The following MICAL3 variants were observed in gnomAD, a reference collection of about 807,000 sequenced individuals.
The protein encoded by MICAL3 is microtubule associated monooxygenase, calponin and LIM domain containing 3, also known as [F-actin]-monooxygenase MICAL3.
MICAL3 carries 62 observed loss-of-function variants against 207.4 expected under a neutral mutation model. The observed-to-expected ratio is 0.30, with a 90% CI of 0.24 to 0.37. MICAL3 has a LOEUF of 0.37. Ranked by LOEUF, MICAL3 falls within the 10% of genes least tolerant of loss-of-function variation. MICAL3 has a pLI of 1.00. For missense variants in MICAL3, 2,368 were observed against 2,635.6 expected (o/e 0.90, Z 2.22); for synonymous variants, 1,077 against 1,069.3 (o/e 1.01, Z -0.14).
At chr22:17,963,300 CAG>C (rs1389620804) in intron 1 of MICAL3, among the ~76,000 whole-genome samples, 1 of 152,032 alleles carries the variant, frequency 6.6e-6, no homozygotes, top group Non-Finnish European at 1.5e-5. Flanking sequence ...TTTGTAGAGA[CAG>C]GGTTTCAACA....
At chr22:17,827,201 G>T (rs1053386894) in intron 22 of MICAL3, among the ~76,000 whole-genome samples, 9 of 151,398 alleles carry the variant, frequency 5.9e-5, no homozygotes, top group African/African-American at 1.9e-4. Context: ...TACTGTGGAG[G>T]CCTCCTGGAC....
At chr22:17,992,612 G>A (rs411576) in intron 1 of MICAL3, among the ~76,000 whole-genome samples, 35,308 of 151,904 alleles carry the variant, frequency 0.23, 4,695 homozygotes, top group East Asian at 0.51. Context: ...AATCCCCCCT[G>A]CTCCCTGGCT....
At chr22:17,913,549 T>C (rs1429614821) in intron 1 of MICAL3, among the ~76,000 whole-genome samples, 1 of 151,984 alleles carries the variant, frequency 6.6e-6, no homozygotes, top group Non-Finnish European at 1.5e-5. Context: ...GAGTGTGGCA[T>C]TTTTCTCATG....
At chr22:17,987,238 C>T (rs924751676) in intron 1 of MICAL3, among the ~76,000 whole-genome samples, 7 of 152,058 alleles carry the variant, frequency 4.6e-5, no homozygotes, top group African/African-American at 7.2e-5. Context: ...AAGACCCTAA[C>T]TCGAAAAAAG....
chr22:17,922,263 C>T (rs749988972), intron 1 of MICAL3, among the ~76,000 whole-genome samples: 5 of 152,056 alleles, frequency 3.3e-5, no homozygotes, highest in Admixed American at 6.5e-5. Context: ...CATGTTTGCA[C>T]GTAGTACAGA....
chr22:17,932,447 AG>A (rs1933313045), intron 1 of MICAL3, among the ~76,000 whole-genome samples: 1 of 152,244 alleles, frequency 6.6e-6, no homozygotes, highest in African/African-American at 2.4e-5. Flanking sequence ...TGTTACCACC[AG>A]GCCTGCCTTA....
intron 1 of MICAL3, among the ~76,000 whole-genome samples, chr22:17,959,801 A>G (rs1178969764): frequency 1.3e-5 from 2 of 152,030 alleles, no homozygotes; most frequent in African/African-American, 2.4e-5. Context: ...TCTGGGACAG[A>G]AAAATAAAGG....
At position 17,850,400 on chromosome 22, in the gene MICAL3, G is replaced by GTTTTTTTTTTTT. The variant is rs565667574; in HGVS notation, c.2606-8395_2606-8384dup. On this transcript the variant is annotated intron_variant, in intron 19 of 31. Coordinates refer to ENST00000441493, the MANE Select transcript of MICAL3 (RefSeq NM_015241.3). ...CTGTGGAACTTTTGCTTTTGAATTA[G>GTTTTTTTTTTTT]TTTTTTTTTTTTTTTTTTTTTTTTT... is the stretch of plus-strand genomic sequence containing the variant. Among the ~76,000 whole-genome samples the GTTTTTTTTTTTT allele has an allele frequency of 2.8e-4, 21 of 74,418 alleles. 2 individuals carry two copies. The highest frequency in any genetic ancestry group is 4.6e-4 in the Non-Finnish European group (18 of 38,954). 48.8% of individuals were successfully genotyped at this position (74,418 alleles called of 152,430 possible). A position where few individuals can be genotyped will look rare whatever the true frequency, so the allele number is the denominator to read the frequency against.
intron 16 of MICAL3, among the ~76,000 whole-genome samples, chr22:17,878,313 C>T (rs1476274407): frequency 1.3e-5 from 2 of 152,212 alleles, no homozygotes; most frequent in Non-Finnish European, 2.9e-5. Flanking sequence ...AGAGGCTGGG[C>T]ACACAGCGCC....
At chr22:17,936,478 G>T (rs1933533927) in intron 1 of MICAL3, among the ~76,000 whole-genome samples, 1 of 151,830 alleles carries the variant, frequency 6.6e-6, no homozygotes, top group Non-Finnish European at 1.5e-5. Flanking sequence ...TAATGTAAAT[G>T]ATGAGTTGAT....
At chr22:17,967,486 A>ACACACACACACACACACACACACC (rs147100307) in intron 1 of MICAL3, among the ~76,000 whole-genome samples, 1 of 145,592 alleles carries the variant, frequency 6.9e-6, no homozygotes, top group Admixed American at 6.9e-5. Flanking sequence ...ACACACACAC[A>ACACACACACACACACACACACACC]CACACACCCA....
At chr22:17,860,486 G>A (rs901474051) in intron 19 of MICAL3, 14 of 985,466 alleles carry the variant, frequency 1.4e-5, no homozygotes, top group Admixed American at 6.1e-5. Context: ...TGAATGGCTC[G>A]GGAGAAAAGT....
At chr22:17,917,463 C>A (rs768205503) in intron 1 of MICAL3, among the ~76,000 whole-genome samples, 6 of 152,194 alleles carry the variant, frequency 3.9e-5, no homozygotes, top group Non-Finnish European at 5.9e-5. Context: ...CCAAATCCAA[C>A]CACTTCTCAC....
At chr22:17,862,563 C>T (rs1926638739) in intron 19 of MICAL3, 3 of 985,234 alleles carry the variant, frequency 3.0e-6, no homozygotes, top group Non-Finnish European at 3.6e-6. Context: ...CCTGGCCACA[C>T]CTGAGCTTTT....
intron 22 of MICAL3, 27 bp downstream of exon 22, chr22:17,827,617 C>T (rs1922342402): frequency 2.6e-6 from 4 of 1,540,318 alleles, no homozygotes; most frequent in African/African-American, 1.4e-5. Context: ...TCGGGGCACA[C>T]TGCGGCCTGG....
intron 1 of MICAL3, among the ~76,000 whole-genome samples, chr22:17,929,246 G>GCAC (rs1933103334): frequency 6.9e-6 from 1 of 144,634 alleles, no homozygotes; most frequent in South Asian, 2.2e-4. Context: ...CTACAGATGT[G>GCAC]CACCACCACG....
At chr22:18,018,765 T>TACACACACACACACATACACAC (rs1387237083) in intron 1 of MICAL3, among the ~76,000 whole-genome samples, 1 of 127,730 alleles carries the variant, frequency 7.8e-6, no homozygotes, top group African/African-American at 3.1e-5. Flanking sequence ...TCTATCTATC[T>TACACACACACACACATACACAC]ATCTACACAC....
intron 1 of MICAL3, among the ~76,000 whole-genome samples, chr22:18,023,622 G>A (rs1924619276): frequency 6.6e-6 from 1 of 152,242 alleles, no homozygotes; most frequent in Non-Finnish European, 1.5e-5. Flanking sequence ...ATGCGGCCCC[G>A]CCCTCTGCTT....
intron 29 of MICAL3, among the ~76,000 whole-genome samples, chr22:17,804,150 AG>A: frequency 6.6e-6 from 1 of 152,322 alleles, no homozygotes; most frequent in Non-Finnish European, 1.5e-5. Flanking sequence ...CACGTACACC[AG>A]GGATCAGCCA....
Sources: gnomAD v4.1 joint callset for allele counts (sites outside exome capture counted in the v4.1 genomes callset) on GRCh38, gnomAD v4.1.1 for gene constraint, MANE v1.5 for transcripts, NCBI Gene and HGNC (gene_info 2026-07-23, HGNC 2026-07-21) for gene names.